Variants in GFM2 observed in about 807,000 individuals in gnomAD.
GFM2 encodes GTP dependent ribosome recycling factor mitochondrial 2.
A neutral mutation model predicts 95.4 loss-of-function variants in GFM2; 72 were observed. That is an observed-to-expected ratio of 0.76 (90% CI 0.62 to 0.92). GFM2 has a LOEUF of 0.92. Ranked by LOEUF, GFM2 falls within the 40% of genes least tolerant of loss-of-function variation. GFM2 has a pLI of 0.00. For missense variants in GFM2, 825 were observed against 924.1 expected (o/e 0.89, Z 1.39); for synonymous variants, 276 against 317.5 (o/e 0.87, Z 1.39).
At chr5:74,732,873 T>G in intron 16 of GFM2, 149 bp downstream of exon 16, 1 of 437,102 alleles carries the variant, frequency 2.3e-6, no homozygotes, top group Non-Finnish European at 4.0e-6. Context: ...ATTTGTATTA[T>G]GAGAGAATTT....
At position 74,721,697 on chromosome 5, in the gene GFM2, T is replaced by TA. The variant is rs1749889370; in HGVS notation, c.2297_2298insT (p.Gln766HisfsTer28). The TA allele has an allele frequency of 6.2e-7, 1 of 1,613,782 alleles. No homozygotes were observed. The highest frequency in any genetic ancestry group is 8.5e-7 in the Non-Finnish European group (1 of 1,179,886). Reference sequence around the variant, plus strand: ...TCCGGTTGAGCAGTGTATTTTGATCTTGAGGATTCATGGCTTGATAAGTAG... The same window carrying TA: ...TCCGGTTGAGCAGTGTATTTTGATCTATGAGGATTCATGGCTTGATAAGTAG... On this transcript the variant is annotated frameshift_variant, in exon 21 of 21. Transcript: ENST00000296805. LOFTEE classifies it high-confidence loss of function.
At chr5:74,754,302 A>G (rs1743865299) in intron 5 of GFM2, among the ~76,000 whole-genome samples, 1 of 131,376 alleles carries the variant, frequency 7.6e-6, no homozygotes, top group Admixed American at 7.6e-5. Context: ...ACAATAATAC[A>G]ATGAAAAAAA....
intron 5 of GFM2, among the ~76,000 whole-genome samples, chr5:74,754,249 A>G (rs1222290739): frequency 6.6e-6 from 1 of 152,014 alleles, no homozygotes; most frequent in Non-Finnish European, 1.5e-5. Context: ...AAATACACCA[A>G]AATAGAACCT....
intron 18 of GFM2, 78 bp from the exon 19 acceptor site, chr5:74,725,833 G>A (rs1476660460): frequency 2.1e-6 from 3 of 1,429,386 alleles, no homozygotes; most frequent in South Asian, 1.2e-5. Flanking sequence ...AAGGAATAGG[G>A]AGAAAACACT....
intron 20 of GFM2, 53 bp from the exon 21 acceptor site, chr5:74,721,836 C>T: frequency 6.6e-7 from 1 of 1,517,998 alleles, no homozygotes; most frequent in Non-Finnish European, 9.0e-7. Flanking sequence ...CCTCAAGTTT[C>T]TCTTCCTGCT....
chr5:74,754,305 G>GA (rs3031208), intron 5 of GFM2, among the ~76,000 whole-genome samples: 1,583 of 109,764 alleles, frequency 0.014, 9 homozygotes, highest in East Asian at 0.029. Flanking sequence ...ATAATACAAT[G>GA]AAAAAAAAAA....
At chr5:74,725,615 C>T (rs768012567) in intron 19 of GFM2, 25 bp downstream of exon 19, 1 of 1,473,186 alleles carries the variant, frequency 6.8e-7, no homozygotes, top group African/African-American at 1.4e-5. Flanking sequence ...ACCTTAAAGC[C>T]ATAAGGATTA....
intron 15 of GFM2, among the ~76,000 whole-genome samples, chr5:74,735,683 G>C (rs918891961): frequency 6.6e-6 from 1 of 152,118 alleles, no homozygotes. Flanking sequence ...AAGAAATAGC[G>C]ATGCAAAAAA....
rs1179984951 is a variant in GFM2 at position 74,751,385 on chromosome 5, T to C, written c.413A>G (p.Asn138Ser). The change falls in exon 6 of 21, where the codon AAT becomes AGT. Residue 138 changes from asparagine to serine, a missense_variant. Coordinates refer to ENST00000296805, the MANE Select transcript of GFM2 (RefSeq NM_032380.5). ...TACCATACCTGGTGTATCAATTAGA[T>C]TGACTCTATAACCTTTCCAATCAAA... ...VTFDWKGYRV[N>S]LIDTPGHVDF... is the part of the protein sequence containing the mutation. 1.2e-6 allele frequency: 2 copies of C among 1,613,126 alleles called. No homozygotes were observed. The highest frequency in any genetic ancestry group is 1.7e-6 in the Non-Finnish European group (2 of 1,179,284).
intron 5 of GFM2, among the ~76,000 whole-genome samples, chr5:74,752,570 T>C (rs1412123044): frequency 6.6e-6 from 1 of 152,190 alleles, no homozygotes; most frequent in African/African-American, 2.4e-5. Flanking sequence ...TCATTAAGGA[T>C]ACAGACCAAA....
chr5:74,748,504 C>T (rs556258474), intron 7 of GFM2, among the ~76,000 whole-genome samples: 2 of 152,270 alleles, frequency 1.3e-5, no homozygotes, highest in South Asian at 4.1e-4. Flanking sequence ...TTTGGCTCAA[C>T]ATGTTTTTAA....
intron 19 of GFM2, among the ~76,000 whole-genome samples, chr5:74,724,504 C>A (rs552179715): frequency 6.6e-6 from 1 of 150,784 alleles, no homozygotes; most frequent in East Asian, 2.0e-4. Flanking sequence ...TTAAAAATTA[C>A]TTGAGGGTGA....
In GFM2 at chr5:74,767,082, G is replaced by C. The variant is rs1744674563; in HGVS notation, c.-169C>G. ...AATGTATCTAAACGAAAAGAAAATA[G>C]GCTTTCTCCGCTCTACCGCCTCGGG... On this transcript the variant is annotated 5_prime_UTR_variant, in exon 1 of 21. Coordinates refer to ENST00000296805, the MANE Select transcript of GFM2 (RefSeq NM_032380.5). The C allele has an allele frequency of 4.5e-6, 2 of 439,644 alleles. No individual in the cohort carries two copies. Among genetic ancestry groups the C allele is most frequent in the Non-Finnish European group, 8.3e-6 (2 of 240,818 alleles). 27.2% of individuals were successfully genotyped at this position (439,644 alleles called of 1,614,324 possible). A position where few individuals can be genotyped will look rare whatever the true frequency, so the allele number is the denominator to read the frequency against.
chr5:74,736,858 A>T lies in GFM2; in HGVS notation c.1448T>A (p.Val483Glu), dbSNP rs759150384. Residue 483 changes from valine (V) to glutamate (E), a missense_variant, in exon 15 of 21, where the codon GTG becomes GAG. Coordinates refer to ENST00000296805, the MANE Select transcript of GFM2 (RefSeq NM_032380.5). ...GAAGAAAACAGGTTCTGGAATCTCC[A>T]CTCCAGCCAATAAAAGTCTCTCTGC... ...NEAERLLLAG[V>E]EIPEPVFFCT... The T allele has an allele frequency of 1.2e-6, 2 of 1,613,502 alleles. No homozygotes were observed. The highest frequency in any genetic ancestry group is 1.7e-6 in the Non-Finnish European group (2 of 1,179,824).
chr5:74,749,859 A>T (rs1743603949), intron 7 of GFM2, among the ~76,000 whole-genome samples: 1 of 152,194 alleles, frequency 6.6e-6, no homozygotes, highest in Non-Finnish European at 1.5e-5. Flanking sequence ...GTCCTCTAAG[A>T]AATTTTTACC....
chr5:74,755,415 T>C (rs1743929337), intron 5 of GFM2, among the ~76,000 whole-genome samples: 1 of 152,042 alleles, frequency 6.6e-6, no homozygotes, highest in South Asian at 2.1e-4. Context: ...GATATCAAGA[T>C]GGAAATTTAA....
chr5:74,732,943 C>T, intron 16 of GFM2, 79 bp downstream of exon 16: 1 of 682,420 alleles, frequency 1.5e-6, no homozygotes, highest in Admixed American at 2.0e-5. Context: ...CACACACACA[C>T]ACACACACAC....
intron 1 of GFM2, chr5:74,764,946 T>C (rs781703019): frequency 5.4e-5 from 11 of 205,540 alleles, no homozygotes; most frequent in Non-Finnish European, 9.5e-5. Context: ...CCACCACACT[T>C]GGCTACTTTT....
At chr5:74,763,349 A>C (rs1744379610) in intron 2 of GFM2, among the ~76,000 whole-genome samples, 1 of 152,246 alleles carries the variant, frequency 6.6e-6, no homozygotes, top group Non-Finnish European at 1.5e-5. Context: ...TACAAAGCAC[A>C]TTATTTGTTA....
Sources: gnomAD v4.1 joint callset for allele counts (sites outside exome capture counted in the v4.1 genomes callset) on GRCh38, gnomAD v4.1.1 for gene constraint, MANE v1.5 for transcripts, NCBI Gene and HGNC (gene_info 2026-07-23, HGNC 2026-07-21) for gene names.